Variants in ADGRV1 observed in about 807,000 individuals in gnomAD.
ADGRV1 encodes the protein adhesion G protein-coupled receptor V1, also known as G-protein coupled receptor 98.
ADGRV1 carries 359 observed loss-of-function variants against 596.2 expected under a neutral mutation model. The observed-to-expected ratio is 0.60, with a 90% CI of 0.55 to 0.66. The LOEUF (loss-of-function observed/expected upper bound fraction) is 0.66. ADGRV1 is among the 30% of genes least tolerant of loss of function. The pLI, the probability that ADGRV1 is intolerant of heterozygous loss-of-function variation, is 0.00. For missense variants in ADGRV1, 7,274 were observed against 7,575.6 expected (o/e 0.96, Z 1.48); for synonymous variants, 2,681 against 2,679.2 (o/e 1.00, Z -0.02).
intron 85 of ADGRV1, among the ~76,000 whole-genome samples, chr5:91,036,201 T>C (rs966671339): frequency 1.3e-5 from 2 of 152,002 alleles, no homozygotes; most frequent in African/African-American, 4.8e-5. Context: ...TTAACTCATT[T>C]CAAGAGCTAT....
chr5:91,102,114 C>A, intron 86 of ADGRV1, 105 bp from the exon 87 acceptor site: 1 of 1,015,438 alleles, frequency 9.8e-7, no homozygotes, highest in Admixed American at 2.7e-5. Flanking sequence ...GTTGTTCTCT[C>A]AAAATGGGCA....
At chr5:90,974,590 G>A (rs552950537) in intron 84 of ADGRV1, among the ~76,000 whole-genome samples, 1 of 152,264 alleles carries the variant, frequency 6.6e-6, no homozygotes, top group African/African-American at 2.4e-5. Flanking sequence ...AGAAAAACAA[G>A]CAATAGGGAA....
At chr5:90,935,421 T>C (rs2367182) in intron 83 of ADGRV1, among the ~76,000 whole-genome samples, 67,617 of 151,766 alleles carry the variant, frequency 0.45, 16,186 homozygotes, top group Non-Finnish European at 0.53. Flanking sequence ...TACATTCAGT[T>C]CCAGCTTCCG....
At chr5:90,702,893 T>G (rs1237575253) in intron 34 of ADGRV1, among the ~76,000 whole-genome samples, 2 of 152,000 alleles carry the variant, frequency 1.3e-5, no homozygotes, top group African/African-American at 4.8e-5. Flanking sequence ...TTAGTTGTGT[T>G]CATCATCATA....
intron 26 of ADGRV1, among the ~76,000 whole-genome samples, chr5:90,681,037 C>G (rs1182908464): frequency 6.6e-6 from 1 of 152,180 alleles, no homozygotes; most frequent in Non-Finnish European, 1.5e-5. Flanking sequence ...AGAATGTTCT[C>G]TTTCATAGAG....
intron 34 of ADGRV1, among the ~76,000 whole-genome samples, chr5:90,702,885 A>G (rs1748087058): frequency 6.6e-6 from 1 of 151,972 alleles, no homozygotes; most frequent in Non-Finnish European, 1.5e-5. Flanking sequence ...GGTATTTCTT[A>G]GTTGTGTTCA....
chr5:90,995,394 G>C (rs1487140647), intron 85 of ADGRV1, among the ~76,000 whole-genome samples: 1 of 152,158 alleles, frequency 6.6e-6, no homozygotes, highest in African/African-American at 2.4e-5. Flanking sequence ...ATGGGTGCCA[G>C]AGTGTACCCA....
intron 1 of ADGRV1, among the ~76,000 whole-genome samples, chr5:90,593,209 C>T (rs555130431): frequency 2.2e-4 from 33 of 152,272 alleles, no homozygotes; most frequent in African/African-American, 7.7e-4. Context: ...CCCAAATGTC[C>T]ATCAATGATA....
chr5:91,056,650 A>G (rs1786896463), intron 85 of ADGRV1, among the ~76,000 whole-genome samples: 2 of 152,058 alleles, frequency 1.3e-5, no homozygotes, highest in Admixed American at 1.3e-4. Flanking sequence ...GTGTTGTTGT[A>G]AGAGGATCAG....
intron 84 of ADGRV1, among the ~76,000 whole-genome samples, chr5:90,984,064 G>GTACA (rs1238759496): frequency 2.0e-5 from 3 of 152,170 alleles, no homozygotes; most frequent in Non-Finnish European, 2.9e-5. Flanking sequence ...GACTATGTAT[G>GTACA]TGCTCAGCAC....
chr5:91,035,861 T>TATAAAATATATATATATATATA, intron 85 of ADGRV1, among the ~76,000 whole-genome samples: 1 of 96,402 alleles, frequency 1.0e-5, no homozygotes, highest in African/African-American at 3.8e-5. Context: ...TATATATATA[T>TATAAAATATATATATATATATA]TATATATATA....
intron 84 of ADGRV1, among the ~76,000 whole-genome samples, chr5:90,968,300 A>G (rs17570760): frequency 0.13 from 19,648 of 152,180 alleles, 1,387 homozygotes; most frequent in Non-Finnish European, 0.17. Context: ...TCACTGAAAT[A>G]TATGGAGAGG....
At chr5:90,606,080 A>T (rs942281463) in intron 1 of ADGRV1, among the ~76,000 whole-genome samples, 1 of 152,192 alleles carries the variant, frequency 6.6e-6, no homozygotes. Flanking sequence ...TGTGCCTTGT[A>T]TGATCATTAA....
rs769655281 is a variant in ADGRV1 at position 90,635,107 on chromosome 5, A to T, written c.1840-7A>T. The T allele has an allele frequency of 1.3e-6, 2 of 1,553,318 alleles. No homozygotes were observed. Among genetic ancestry groups the T allele is most frequent in the African/African-American group, 2.7e-5 (2 of 73,324 alleles). ...CTTACTACTTTTTGTGTATTTGTTT[A>T]TTATAGTTGGAAACTGTGGAGTTGT... On this transcript the variant is annotated splice_polypyrimidine_tract_variant and splice_region_variant and intron_variant, in intron 9 of 89. Transcript: ENST00000405460.
intron 83 of ADGRV1, among the ~76,000 whole-genome samples, chr5:90,896,391 C>T (rs549043695): frequency 9.7e-4 from 146 of 150,838 alleles, no homozygotes; most frequent in Non-Finnish European, 1.7e-3. Context: ...CCACCTCAGC[C>T]TCCCAAGTAG....
chr5:90,711,191 G>A lies in ADGRV1; in HGVS notation c.8911G>A (p.Val2971Ile). The A allele has an allele frequency of 6.2e-7, 1 of 1,610,644 alleles. No individual in the cohort carries two copies. The highest frequency in any genetic ancestry group is 1.1e-5 in the South Asian group (1 of 90,086). ...TTTTTTGCTATATTATAGGTTTGAA[G>A]TAAATGAAACCCATGGAAGTTTAAC... ...VIEWQQSRFE[V>I]NETHGSLTLV... The change falls in exon 41 of 90, where the codon GTA (valine) becomes ATA (isoleucine). Residue 2971 changes from valine to isoleucine, a missense_variant. By Grantham distance (29) the Val-to-Ile change is conservative. Coordinates refer to ENST00000405460, the MANE Select transcript of ADGRV1 (RefSeq NM_032119.4).
In ADGRV1 at chr5:90,754,935, G is replaced by T. The variant is rs1206743156; in HGVS notation, c.11378-48G>T. The T allele has an allele frequency of 3.0e-6, 4 of 1,337,352 alleles. No homozygotes were observed. The African/African-American group carries it at 4.3e-5, about 15-fold the overall frequency. 82.8% of individuals were successfully genotyped at this position (1,337,352 alleles called of 1,614,324 possible). A position where few individuals can be genotyped will look rare whatever the true frequency, so the allele number is the denominator to read the frequency against. ...CACTCTAGGTCCTTGTAACAGCATT[G>T]ACAGCAAATAGAAAAGACTATTTAC... On this transcript the variant is annotated intron_variant, in intron 54 of 89. Coordinates refer to ENST00000405460, the MANE Select transcript of ADGRV1 (RefSeq NM_032119.4).
At chr5:90,805,612 T>C (rs778959028) in intron 72 of ADGRV1, among the ~76,000 whole-genome samples, 154 bp downstream of exon 72, 1 of 152,176 alleles carries the variant, frequency 6.6e-6, no homozygotes, top group Non-Finnish European at 1.5e-5. Flanking sequence ...GCAGGCTGCT[T>C]GGTGAGAAAA....
chr5:91,001,386 T>C (rs1362543013), intron 85 of ADGRV1, among the ~76,000 whole-genome samples: 1 of 152,190 alleles, frequency 6.6e-6, no homozygotes, highest in Non-Finnish European at 1.5e-5. Flanking sequence ...CCATTTTTCA[T>C]TTTTTAAGAA....
Sources: gnomAD v4.1 joint callset for allele counts (sites outside exome capture counted in the v4.1 genomes callset) on GRCh38, gnomAD v4.1.1 for gene constraint, MANE v1.5 for transcripts, NCBI Gene and HGNC (gene_info 2026-07-23, HGNC 2026-07-21) for gene names.